The following PRPSAP2 variants were observed in gnomAD, a reference collection of about 807,000 sequenced individuals.
The protein encoded by PRPSAP2 is phosphoribosyl pyrophosphate synthase-associated protein 2.
Under a neutral mutation model 40.6 loss-of-function variants are expected in PRPSAP2, and 24 were observed. The ratio of observed to expected loss-of-function variants is 0.59; its 90% confidence interval spans 0.43 to 0.83. The LOEUF is 0.83. PRPSAP2 is among the 40% of genes least tolerant of loss of function. The probability of loss-of-function intolerance (pLI) is 0.00; values close to 1 mark genes in which losing one functional copy is unlikely to be tolerated. For missense variants in PRPSAP2, 292 were observed against 465.6 expected, an observed-to-expected ratio of 0.63 and a Z score of 3.43; for synonymous variants, 149 against 164.7, an observed-to-expected ratio of 0.90 and a Z score of 0.73.
intron 10 of PRPSAP2, among the ~76,000 whole-genome samples, chr17:18,928,010 C>T (rs914628522): frequency 2.0e-4 from 31 of 152,108 alleles, no homozygotes; most frequent in African/African-American, 7.2e-4. Context: ...TCTTGAACCC[C>T]TGAGCTCAAG....
chr17:18,889,401 A>G (rs1469234884), intron 7 of PRPSAP2, among the ~76,000 whole-genome samples: 1 of 152,218 alleles, frequency 6.6e-6, no homozygotes, highest in Non-Finnish European at 1.5e-5. Flanking sequence ...TGGTTGCTTC[A>G]ACATGTTATG....
intron 8 of PRPSAP2, among the ~76,000 whole-genome samples, chr17:18,892,223 C>A (rs990414189): frequency 6.6e-6 from 1 of 152,024 alleles, no homozygotes; most frequent in African/African-American, 2.4e-5. Context: ...TTTATCCATT[C>A]ATCTGTTGAT....
chr17:18,890,192 G>A (rs1249568438), intron 8 of PRPSAP2, among the ~76,000 whole-genome samples: 2 of 150,498 alleles, frequency 1.3e-5, no homozygotes, highest in African/African-American at 4.9e-5. Context: ...TTTTTGAGAT[G>A]GAGTTTCGCT....
At chr17:18,874,245 C>T (rs1010194879) in intron 5 of PRPSAP2, among the ~76,000 whole-genome samples, 15 of 152,110 alleles carry the variant, frequency 9.9e-5, no homozygotes, top group Non-Finnish European at 1.9e-4. Flanking sequence ...GTGTGTTTGT[C>T]CACAAATGTC....
chr17:18,921,224 A>G (rs184683940), intron 9 of PRPSAP2, among the ~76,000 whole-genome samples: 1 of 152,190 alleles, frequency 6.6e-6, no homozygotes, highest in Admixed American at 6.5e-5. Flanking sequence ...TTGCCCTTAT[A>G]ATGTGGCAGG....
At chr17:18,875,135 T>C (rs2038182289) in intron 5 of PRPSAP2, among the ~76,000 whole-genome samples, 1 of 152,192 alleles carries the variant, frequency 6.6e-6, no homozygotes, top group Non-Finnish European at 1.5e-5. Flanking sequence ...CAGCACCCCT[T>C]TCATTTTCTC....
In PRPSAP2 at chr17:18,911,186, A is replaced by T; in HGVS notation, c.668A>T (p.Asp223Val). The T allele has an allele frequency of 6.2e-7, 1 of 1,613,908 alleles. No homozygotes were observed. The highest frequency in any genetic ancestry group is 8.5e-7 in the Non-Finnish European group (1 of 1,179,864). The change falls in exon 9 of 12, where the codon GAT becomes GTT. Residue 223 changes from aspartate (D) to valine (V), a missense_variant. Asp to Val is a radical substitution (Grantham distance 152, BLOSUM62 -3). Around this residue, in one of 2 missense-constraint regions of PRPSAP2, gnomAD observed 241 missense variants for 425.7 expected, o/e 0.57. Coordinates refer to ENST00000268835, the MANE Select transcript of PRPSAP2 (RefSeq NM_002767.4). The surrounding 1 kb of genome is among the most constrained non-coding windows in gnomAD (Gnocchi z 4.5). Reference sequence around the variant, plus strand: ...CAGGATGCCGAGTCGGACTTGGTGGATGGACGGCATTCCCCACCCATGGTC... The same window carrying T: ...CAGGATGCCGAGTCGGACTTGGTGGTTGGACGGCATTCCCCACCCATGGTC... The part of the protein sequence containing the change: ...EAQDAESDLV[D>V]GRHSPPMVRS...
intron 8 of PRPSAP2, among the ~76,000 whole-genome samples, chr17:18,901,148 G>A (rs982122649): frequency 6.6e-6 from 1 of 152,120 alleles, no homozygotes; most frequent in Non-Finnish European, 1.5e-5. Flanking sequence ...GGCAGTTATT[G>A]TCTAAATATT....
intron 9 of PRPSAP2, among the ~76,000 whole-genome samples, chr17:18,918,620 C>A (rs2041501193): frequency 6.6e-6 from 1 of 152,220 alleles, no homozygotes. Flanking sequence ...GCAGGCCAGG[C>A]CTGCATCTGT....
At chr17:18,930,043 C>T (rs2042178309) in intron 11 of PRPSAP2, among the ~76,000 whole-genome samples, 2 of 152,018 alleles carry the variant, frequency 1.3e-5, no homozygotes, top group Non-Finnish European at 2.9e-5. Flanking sequence ...TTTTGCCATA[C>T]CTATCCTAGT....
chr17:18,874,454 T>C (rs1597560223), intron 5 of PRPSAP2, among the ~76,000 whole-genome samples: 1 of 152,348 alleles, frequency 6.6e-6, no homozygotes, highest in Admixed American at 6.5e-5. Context: ...ACACACATTT[T>C]TTTCACCTAA....
At chr17:18,916,127 A>C (rs2041294470) in intron 9 of PRPSAP2, among the ~76,000 whole-genome samples, 1 of 151,950 alleles carries the variant, frequency 6.6e-6, no homozygotes. Context: ...CCAAATTTTT[A>C]ACATAAGTTT....
intron 1 of PRPSAP2, among the ~76,000 whole-genome samples, 200 bp from the exon 2 acceptor site, chr17:18,865,269 C>T (rs9903574): frequency 0.53 from 80,871 of 151,794 alleles, 21,806 homozygotes; most frequent in Middle Eastern, 0.6. Flanking sequence ...CTAGTCAGCC[C>T]GTGTTCCACT....
intron 1 of PRPSAP2, chr17:18,859,444 A>AT (rs2036839097): frequency 6.6e-6 from 1 of 152,148 alleles, no homozygotes; most frequent in Non-Finnish European, 1.5e-5. Context: ...AGACCGAGCT[A>AT]TTTTTGCTGC....
chr17:18,917,569 ATTATTATTATTATTATTTTT>A (rs2041401873), intron 9 of PRPSAP2: 6 of 30,098 alleles, frequency 2.0e-4, no homozygotes, highest in Non-Finnish European at 2.7e-4. Context: ...TATTATTATT[ATTATTATTATTATTATTTTT>A]TTTTTTTTTT....
chr17:18,903,325 A>G (rs2040396073), intron 8 of PRPSAP2, among the ~76,000 whole-genome samples: 1 of 151,646 alleles, frequency 6.6e-6, no homozygotes, highest in Admixed American at 6.6e-5. Context: ...AAATAAATGA[A>G]TGAATGAACG....
At chr17:18,870,648 A>G (rs1195537369) in intron 4 of PRPSAP2, among the ~76,000 whole-genome samples, 2 of 151,926 alleles carry the variant, frequency 1.3e-5, no homozygotes, top group Admixed American at 1.3e-4. Context: ...ATCTTTACCA[A>G]AGATAAAGAA....
chr17:18,887,602 T>C (rs1359364218), intron 7 of PRPSAP2, among the ~76,000 whole-genome samples: 1 of 152,230 alleles, frequency 6.6e-6, no homozygotes, highest in East Asian at 1.9e-4. Context: ...CTTTGGGAAC[T>C]ATTAGGTCCT....
chr17:18,868,683 C>T (rs1156846963), intron 4 of PRPSAP2, among the ~76,000 whole-genome samples: 2 of 151,198 alleles, frequency 1.3e-5, no homozygotes, highest in Non-Finnish European at 2.9e-5. Flanking sequence ...TCAATATATA[C>T]TTATTCCTGT....
Sources: allele counts gnomAD v4.1 joint callset (sites outside exome capture counted in the v4.1 genomes callset), GRCh38; gene constraint gnomAD v4.1.1; regional missense constraint gnomAD v4.1.1; non-coding constraint Gnocchi (gnomAD v3.1); transcripts MANE v1.5; gene names NCBI Gene and HGNC (gene_info 2026-07-23, HGNC 2026-07-21).